Variants in XPOT observed in about 807,000 individuals in gnomAD.
XPOT encodes the protein exportin-T.
In XPOT, 34 loss-of-function variants were observed where a neutral mutation model predicts 128.2. That is an observed-to-expected ratio of 0.27 (90% CI 0.20 to 0.35). XPOT has a LOEUF of 0.35. Ranked by LOEUF, XPOT falls within the 10% of genes least tolerant of loss-of-function variation. XPOT has a pLI of 1.00. For synonymous variants in XPOT, 348 were observed against 394.3 expected (o/e 0.88, Z 1.39); for missense variants, 838 against 1,125.3 (o/e 0.74, Z 3.65).
At chr12:64,414,221 T>C (rs1029134104) in intron 2 of XPOT, among the ~76,000 whole-genome samples, 4 of 152,226 alleles carry the variant, frequency 2.6e-5, no homozygotes, top group African/African-American at 9.6e-5. Context: ...GCATCCATTC[T>C]AGAGTACTCT....
chr12:64,416,770 C>T lies in XPOT; in HGVS notation c.200+16C>T. ...TTAAATACAAGTAAGGCTTTTCTTA[C>T]TGTTTTGACTCAGATTTGCGGGGAG... On this transcript the variant is annotated intron_variant, in intron 4 of 24. Coordinates refer to ENST00000332707, the MANE Select transcript of XPOT (RefSeq NM_007235.6). The T allele has an allele frequency of 2.5e-6, 4 of 1,606,244 alleles. No individual in the cohort carries two copies. The highest frequency in any genetic ancestry group is 1.7e-4 in the Middle Eastern group (1 of 5,982).
intron 2 of XPOT, among the ~76,000 whole-genome samples, chr12:64,413,646 C>T (rs2040060525): frequency 6.6e-6 from 1 of 152,168 alleles, no homozygotes; most frequent in Admixed American, 6.5e-5. Context: ...CCCATTCCCT[C>T]ATTCATACAG....
rs538089111 is a variant in XPOT at position 64,411,435 on chromosome 12, C to T, written c.60+1340C>T. Among the ~76,000 whole-genome samples, 12 of 152,258 alleles carry T rather than the reference C, an allele frequency of 7.9e-5. No individual in the cohort carries two copies. The South Asian group carries it at 2.5e-3, about 32-fold the overall frequency. Reference sequence around the variant, plus strand: ...AATTTTTGGATGAAAGAGGCATTTTCTTTGCCTCTTAAGTTCCAGCATCCA... The same window carrying T: ...AATTTTTGGATGAAAGAGGCATTTTTTTTGCCTCTTAAGTTCCAGCATCCA... On this transcript the variant is annotated intron_variant, in intron 2 of 24. Transcript: ENST00000332707.
In XPOT at chr12:64,448,472, G is replaced by A. The variant is rs972312150; in HGVS notation, c.*341G>A. 6 of 198,106 alleles carry A rather than the reference G, an allele frequency of 3.0e-5. No homozygotes were observed. The highest frequency in any genetic ancestry group is 4.1e-5 in the Non-Finnish European group (4 of 98,184). 12.3% of individuals were successfully genotyped at this position (198,106 alleles called of 1,614,324 possible). ...AAAACAGTGTACTTTTTAAAAAATT[G>A]CTGAATATAAAATCTTTGAAAATTT... On this transcript the variant is annotated 3_prime_UTR_variant, in exon 25 of 25. Coordinates refer to ENST00000332707, the MANE Select transcript of XPOT (RefSeq NM_007235.6).
chr12:64,409,082 C>G (rs566283303), intron 1 of XPOT, among the ~76,000 whole-genome samples: 106 of 152,008 alleles, frequency 7.0e-4, no homozygotes, highest in Non-Finnish European at 1.4e-3. Context: ...GTCCATTGCT[C>G]AAAAGCTAAA....
At chr12:64,408,140 C>T (rs934976524) in intron 1 of XPOT, among the ~76,000 whole-genome samples, 9 of 152,068 alleles carry the variant, frequency 5.9e-5, no homozygotes, top group Non-Finnish European at 2.9e-5. Flanking sequence ...GACAGAGTCT[C>T]GTTCTGTCAC....
intron 1 of XPOT, among the ~76,000 whole-genome samples, chr12:64,408,900 T>C (rs2040008933): frequency 6.6e-6 from 1 of 152,210 alleles, no homozygotes; most frequent in Non-Finnish European, 1.5e-5. Context: ...CTTGAACTCC[T>C]GACCTTAAGT....
At position 64,434,920 on chromosome 12, in the gene XPOT, A is replaced by G; in HGVS notation, c.2685+11A>G. ...GCACAAACAGTATTGGTAAGCACCTAGGAATCTTTGTTTACCTTGTGTAGC... is the reference window on the plus strand; with the variant it reads ...GCACAAACAGTATTGGTAAGCACCTGGGAATCTTTGTTTACCTTGTGTAGC... On this transcript the variant is annotated intron_variant, in intron 21 of 24. Coordinates refer to ENST00000332707, the MANE Select transcript of XPOT (RefSeq NM_007235.6). The G allele has an allele frequency of 6.2e-7, 1 of 1,607,084 alleles. No individual in the cohort carries two copies. The highest frequency in any genetic ancestry group is 8.5e-7 in the Non-Finnish European group (1 of 1,175,350).
rs149226486 is a variant in XPOT, at chr12:64,424,271, C to G, written c.1183-328C>G. Among the ~76,000 whole-genome samples the G allele has an allele frequency of 3.6e-3, 548 of 152,122 alleles. 4 individuals carry two copies. Among genetic ancestry groups the G allele is most frequent in the African/African-American group, 0.013 (520 of 41,480 alleles). On this transcript the variant is annotated intron_variant, in intron 11 of 24. Transcript: ENST00000332707. ...TAACCTTCTTAGACTATTTCTAGCTCTAGGCTTTTGAGGTCTACGGCTTTG... is the reference window on the plus strand; with the variant it reads ...TAACCTTCTTAGACTATTTCTAGCTGTAGGCTTTTGAGGTCTACGGCTTTG...
chr12:64,422,952 T>C, intron 9 of XPOT, 53 bp from the exon 10 acceptor site: 1 of 1,537,128 alleles, frequency 6.5e-7, no homozygotes, highest in African/African-American at 1.4e-5. Context: ...AATGTTCTGA[T>C]ATGCAGGTAT....
At chr12:64,429,172 T>C (rs946246379) in intron 16 of XPOT, among the ~76,000 whole-genome samples, 4 of 152,200 alleles carry the variant, frequency 2.6e-5, no homozygotes, top group African/African-American at 9.6e-5. Context: ...CTGTGTGTAA[T>C]GTACTTTTGC....
At position 64,404,445 on chromosome 12, in the gene XPOT, G is replaced by T. The variant is rs1172790193; in HGVS notation, c.-434G>T. On this transcript the variant is annotated 5_prime_UTR_variant, in exon 1 of 25. Transcript: ENST00000332707. ...CCCGCCCGCGCGGCACCGACGCGGGGAGCGCGCTTCGCGCTGACTCAGCGG... is the reference window on the plus strand; with the variant it reads ...CCCGCCCGCGCGGCACCGACGCGGGTAGCGCGCTTCGCGCTGACTCAGCGG... The T allele has an allele frequency of 1.3e-5, 2 of 154,328 alleles. No individual in the cohort carries two copies. Among genetic ancestry groups the T allele is most frequent in the East Asian group, 3.8e-4 (2 of 5,250 alleles). 9.6% of individuals were successfully genotyped at this position (154,328 alleles called of 1,614,324 possible). A position where few individuals can be genotyped will look rare whatever the true frequency, so the allele number is the denominator to read the frequency against.
rs1340122624 is a variant in XPOT at position 64,425,067 on chromosome 12, T to C, written c.1337T>C (p.Val446Ala). The C allele has an allele frequency of 6.2e-7, 1 of 1,612,948 alleles. No homozygotes were observed. The highest frequency in any genetic ancestry group is 8.5e-7 in the Non-Finnish European group (1 of 1,179,994). The change falls in exon 13 of 25, where the codon GTT (valine) becomes GCT (alanine). Residue 446 changes from valine to alanine, a missense_variant. Coordinates refer to ENST00000332707, the MANE Select transcript of XPOT (RefSeq NM_007235.6). ...TGGCAGACTACACGGTTTATGGAAG[T>C]TGAAGTAGCAATAAGATTGCTGTAT... ...QNWQTTRFME[V>A]EVAIRLLYML...
chr12:64,416,588 A>C (rs2040089392), intron 3 of XPOT, 110 bp from the exon 4 acceptor site: 1 of 787,798 alleles, frequency 1.3e-6, no homozygotes, highest in Admixed American at 2.3e-5. Flanking sequence ...AACAAGCCAA[A>C]GGTCTAGTTT....
chr12:64,423,096 T>G, intron 10 of XPOT, 53 bp downstream of exon 10: 1 of 1,604,012 alleles, frequency 6.2e-7, no homozygotes, highest in East Asian at 2.2e-5. Context: ...AGTCTGTAAT[T>G]TGCCTTGAAA....
At chr12:64,441,222 C>T (rs2040322101) in intron 23 of XPOT, among the ~76,000 whole-genome samples, 1 of 152,242 alleles carries the variant, frequency 6.6e-6, no homozygotes, top group East Asian at 1.9e-4. Flanking sequence ...TGTTGAAGAT[C>T]AGTTGACTGT....
chr12:64,435,471 G>A (rs1410772168), intron 21 of XPOT, among the ~76,000 whole-genome samples, 156 bp from the exon 22 acceptor site: 1 of 152,010 alleles, frequency 6.6e-6, no homozygotes, highest in African/African-American at 2.4e-5. Flanking sequence ...CCATCTGCCT[G>A]TTACCTTTCC....
intron 23 of XPOT, among the ~76,000 whole-genome samples, chr12:64,442,301 A>C (rs2040331462): frequency 6.6e-6 from 1 of 151,810 alleles, no homozygotes; most frequent in African/African-American, 2.4e-5. Flanking sequence ...ACCATGCCTA[A>C]TTTTTGTATT....
At chr12:64,433,021 C>T (rs1400514461) in intron 18 of XPOT, among the ~76,000 whole-genome samples, 1 of 152,152 alleles carries the variant, frequency 6.6e-6, no homozygotes, top group Non-Finnish European at 1.5e-5. Flanking sequence ...CTCACTGCAA[C>T]CTCCACCTCT....
Sources: allele counts gnomAD v4.1 joint callset (sites outside exome capture counted in the v4.1 genomes callset), GRCh38; gene constraint gnomAD v4.1.1; transcripts MANE v1.5; gene names NCBI Gene and HGNC (gene_info 2026-07-23, HGNC 2026-07-21).